CCDC178: variants seen among roughly 807,000 people sequenced by gnomAD.
CCDC178 encodes the protein coiled-coil domain containing 178, also known as coiled-coil domain-containing protein 178.
In CCDC178, 126 loss-of-function variants were observed where a neutral mutation model predicts 117.4. That is an observed-to-expected ratio of 1.07 (90% confidence interval 0.93 to 1.24). CCDC178 has a LOEUF of 1.24. Among genes scored for constraint, CCDC178 ranks in the 50% most tolerant of loss-of-function variants. The pLI is 0.00. For synonymous variants in CCDC178, 283 were observed against 313.4 expected, an observed-to-expected ratio of 0.90 and a Z score of 1.02; for missense variants, 1,030 against 986.9, an observed-to-expected ratio of 1.04 and a Z score of -0.59.
At chr18:33,015,954 T>C (rs919350648) in intron 21 of CCDC178, among the ~76,000 whole-genome samples, 1 of 152,088 alleles carries the variant, frequency 6.6e-6, no homozygotes, top group African/African-American at 2.4e-5. Context: ...TCAGTTAGAA[T>C]AGAAAGAGAA....
chr18:33,313,325 G>C (rs555393284), intron 11 of CCDC178, among the ~76,000 whole-genome samples: 1 of 152,246 alleles, frequency 6.6e-6, no homozygotes, highest in African/African-American at 2.4e-5. Context: ...AAAAGGGAGG[G>C]GCTGAGATAA....
rs1268296356 is a variant in CCDC178 at position 33,266,943 on chromosome 18, T to C, written c.1382A>G (p.Asn461Ser). Residue 461 changes from asparagine (N) to serine (S), a missense_variant, in exon 14 of 23, where the codon AAC becomes AGC. Physicochemically the swap from Asn to Ser is conservative, Grantham distance 46. Coordinates refer to ENST00000383096, the MANE Select transcript of CCDC178 (RefSeq NM_001105528.4). ...EDNKKLEIDINKITVKTNESI... is the reference protein window; with the variant it reads ...EDNKKLEIDISKITVKTNESI... ...TTCATTGGTTTTTACTGTTATTTTG[T>C]TAATATCAATCTCAAGTTTTTTATT... The C allele has an allele frequency of 6.3e-7, 1 of 1,583,560 alleles. No individual in the cohort carries two copies.
intron 21 of CCDC178, among the ~76,000 whole-genome samples, chr18:33,080,803 G>T (rs1225577750): frequency 6.6e-6 from 1 of 152,106 alleles, no homozygotes; most frequent in African/African-American, 2.4e-5. Context: ...TTATGATATG[G>T]TTGGTGCAAC....
chr18:33,153,018 T>C (rs1216757648), intron 20 of CCDC178, among the ~76,000 whole-genome samples: 1 of 44,908 alleles, frequency 2.2e-5, no homozygotes, highest in Non-Finnish European at 8.0e-5. Context: ...TTTAGACTTG[T>C]GAAAAAAAAA....
intron 21 of CCDC178, among the ~76,000 whole-genome samples, chr18:33,069,751 A>C (rs1168831577): frequency 6.6e-6 from 1 of 152,154 alleles, no homozygotes; most frequent in Non-Finnish European, 1.5e-5. Context: ...AACTTGAAAA[A>C]TGGGAGAAAA....
At chr18:33,164,318 C>T (rs907867505) in intron 20 of CCDC178, among the ~76,000 whole-genome samples, 4 of 151,884 alleles carry the variant, frequency 2.6e-5, no homozygotes, top group African/African-American at 7.2e-5. Flanking sequence ...AGGCTGGTCT[C>T]GAGCTCCCAA....
At chr18:33,321,584 G>A (rs1311860433) in intron 11 of CCDC178, among the ~76,000 whole-genome samples, 1 of 151,916 alleles carries the variant, frequency 6.6e-6, no homozygotes, top group Non-Finnish European at 1.5e-5. Context: ...TCCTTTCATT[G>A]TCAGCAGGAT....
chr18:33,124,026 G>A (rs1191287046), intron 20 of CCDC178, among the ~76,000 whole-genome samples: 4 of 152,074 alleles, frequency 2.6e-5, no homozygotes, highest in African/African-American at 4.8e-5. Flanking sequence ...CAGAAAGAGC[G>A]GCTGTAAACA....
intron 21 of CCDC178, among the ~76,000 whole-genome samples, chr18:33,054,672 T>C (rs1222179544): frequency 6.6e-6 from 1 of 152,244 alleles, no homozygotes; most frequent in Non-Finnish European, 1.5e-5. Context: ...AGTTTATCAT[T>C]GATTGGCATT....
At chr18:33,173,408 G>A (rs2058627307) in intron 20 of CCDC178, among the ~76,000 whole-genome samples, 1 of 152,066 alleles carries the variant, frequency 6.6e-6, no homozygotes, top group Non-Finnish European at 1.5e-5. Context: ...AAGCATGTAG[G>A]ATTTTTATGA....
intron 7 of CCDC178, among the ~76,000 whole-genome samples, chr18:33,350,040 G>C (rs2062953015): frequency 6.6e-6 from 1 of 151,516 alleles, no homozygotes; most frequent in South Asian, 2.1e-4. Flanking sequence ...TCTTCCTTTA[G>C]TTTTCATATT....
intron 20 of CCDC178, among the ~76,000 whole-genome samples, chr18:33,143,218 C>T (rs188915695): frequency 3.3e-5 from 5 of 152,108 alleles, no homozygotes; most frequent in East Asian, 1.9e-4. Context: ...ATGTTTTAAT[C>T]GAATTTTGGG....
chr18:33,109,763 A>C (rs1213966829), intron 20 of CCDC178, among the ~76,000 whole-genome samples: 1 of 145,050 alleles, frequency 6.9e-6, no homozygotes. Context: ...CTCAATCTTA[A>C]TTTTGTCAGA....
intron 20 of CCDC178, among the ~76,000 whole-genome samples, chr18:33,205,047 A>G (rs1195382000): frequency 2.6e-5 from 4 of 152,148 alleles, no homozygotes; most frequent in African/African-American, 9.6e-5. Context: ...AATACAAAAT[A>G]GATTTAAGAA....
At chr18:33,346,958 G>A (rs1452547664) in intron 8 of CCDC178, among the ~76,000 whole-genome samples, 1 of 152,106 alleles carries the variant, frequency 6.6e-6, no homozygotes, top group Non-Finnish European at 1.5e-5. Context: ...CCTTTAATGA[G>A]AGATATTTGT....
Position 33,389,547 on chromosome 18 carries a change from A to AT in CCDC178, c.200dup (p.Asn67LysfsTer3). 6.7e-7 allele frequency: 1 copy of AT among 1,497,920 alleles called. No homozygotes were observed. The highest frequency in any genetic ancestry group is 9.0e-7 in the Non-Finnish European group (1 of 1,117,182). The allele number at this position is 1,497,920 out of a possible 1,614,324, so 92.8% of individuals were successfully genotyped here. On this transcript the variant is annotated frameshift_variant, in exon 5 of 23. Coordinates refer to ENST00000383096, the MANE Select transcript of CCDC178 (RefSeq NM_001105528.4). LOFTEE classifies it high-confidence loss of function. ...TTTACATTCAGTCCTCACCTTCAGT[A>AT]TTTGTCATTTTACTTTCATGAAAAC...
At chr18:33,123,490 C>T (rs767149460) in intron 20 of CCDC178, among the ~76,000 whole-genome samples, 2 of 152,034 alleles carry the variant, frequency 1.3e-5, no homozygotes, top group African/African-American at 2.4e-5. Flanking sequence ...GCTCTAACCA[C>T]ATCATTTAAA....
chr18:33,440,695 GC>G lies in CCDC178; in HGVS notation c.-186del, dbSNP rs1000183180. The G allele has an allele frequency of 1.3e-5, 2 of 152,688 alleles. No individual in the cohort carries two copies. The highest frequency in any genetic ancestry group is 4.9e-5 in the African/African-American group (2 of 41,164). 9.5% of individuals were successfully genotyped at this position (152,688 alleles called of 1,614,324 possible). ...CCGCGCGTCTCCCGGACCCGCGCCT[GC>G]CCACCCCTCCGGCTCTGCTGCGGTC... is the stretch of plus-strand genomic sequence containing the variant. On this transcript the variant is annotated 5_prime_UTR_variant, in exon 1 of 23. Coordinates refer to ENST00000383096, the MANE Select transcript of CCDC178 (RefSeq NM_001105528.4).
At chr18:33,354,575 T>C (rs2063025884) in intron 7 of CCDC178, among the ~76,000 whole-genome samples, 1 of 152,024 alleles carries the variant, frequency 6.6e-6, no homozygotes, top group Admixed American at 6.6e-5. Flanking sequence ...AGTGAAGTTT[T>C]TAATTTCAGT....
Sources: allele counts gnomAD v4.1 joint callset (sites outside exome capture counted in the v4.1 genomes callset), GRCh38; gene constraint gnomAD v4.1.1; transcripts MANE v1.5; gene names NCBI Gene and HGNC (gene_info 2026-07-23, HGNC 2026-07-21).